Variants in ZNF578 observed in about 807,000 individuals in gnomAD.
ZNF578 encodes Putative chemokine-related protein B42.
ZNF578 carries 8 observed loss-of-function variants against 8.3 expected under a neutral mutation model. The ratio of observed to expected loss-of-function variants is 0.96; its 90% CI spans 0.56 to 1.74. The LOEUF is 1.74. ZNF578 is among the 40% of genes most tolerant of loss of function. ZNF578 has a pLI of 0.00. For missense variants in ZNF578, 726 were observed against 707.5 expected, an observed-to-expected ratio of 1.03 and a Z score of -0.30; for synonymous variants, 206 against 232.2, an observed-to-expected ratio of 0.89 and a Z score of 1.03.
intron 2 of ZNF578, among the ~76,000 whole-genome samples, chr19:52,485,799 A>G (rs923253619): frequency 6.6e-6 from 1 of 151,890 alleles, no homozygotes; most frequent in Non-Finnish European, 1.5e-5. Context: ...ACCACTCCCT[A>G]TTCTCAAGTA....
In ZNF578 at chr19:52,513,080, G is replaced by A. The variant is rs10426876; in HGVS notation, c.*926G>A. 0.016 allele frequency among the ~76,000 whole-genome samples: 2,367 copies of A among 152,232 alleles called. 60 individuals are homozygous for A. Among genetic ancestry groups the A allele is most frequent in the African/African-American group, 0.053 (2,190 of 41,540 alleles). ...TTGCTGCCCAGGCTAGAGTGCAATG[G>A]TGCGATCTTGACTCACAGCAACCTC... On this transcript the variant is annotated 3_prime_UTR_variant, in exon 6 of 6. Coordinates refer to ENST00000421239, the MANE Select transcript of ZNF578 (RefSeq NM_001099694.2).
chr19:52,496,324 T>TTTTATTTATTTATTTATTTA (rs1301134040), intron 3 of ZNF578, among the ~76,000 whole-genome samples: 2 of 123,332 alleles, frequency 1.6e-5, no homozygotes, highest in Non-Finnish European at 3.7e-5. Flanking sequence ...CCTCATTTGT[T>TTTTATTTATTTATTTATTTA]GTTATTTATT....
At chr19:52,501,948 C>T (rs776700903) in intron 4 of ZNF578, 40 bp downstream of exon 4, 1 of 1,603,692 alleles carries the variant, frequency 6.2e-7, no homozygotes, top group South Asian at 1.1e-5. Flanking sequence ...TGTCTCTTTC[C>T]TTTCTGAAGT....
chr19:52,500,304 G>A (rs1222229080), intron 3 of ZNF578, among the ~76,000 whole-genome samples: 1 of 152,124 alleles, frequency 6.6e-6, no homozygotes, highest in East Asian at 1.9e-4. Flanking sequence ...TTTGGTCTGG[G>A]AAGGTGGGAG....
Position 52,505,037 on chromosome 19 carries a change from G to A in ZNF578, c.190+256G>A, listed in dbSNP as rs572519199. On this transcript the variant is annotated intron_variant, in intron 5 of 5. Transcript: ENST00000421239. ...CGAGGGGCTGGGATTATAGGCATGC[G>A]CCACCACGCCCAGCTAACTTTGTAT... is the stretch of plus-strand genomic sequence containing the variant. Among the ~76,000 whole-genome samples the A allele has an allele frequency of 4.5e-4, 68 of 152,200 alleles. No individual in the cohort carries two copies. In the South Asian group the frequency reaches 0.011, roughly 25 times the overall value.
chr19:52,511,147 G>GAA lies in ZNF578; in HGVS notation c.770_771dup (p.Gln258AsnfsTer46). The GAA allele has an allele frequency of 1.2e-6, 2 of 1,614,152 alleles. No homozygotes were observed. The highest frequency in any genetic ancestry group is 1.7e-6 in the Non-Finnish European group (2 of 1,179,990). ...GAAACATCAGATAATCCATTTAGGAGAAAAACAATATAAATTTGATATATG... is the reference window on the plus strand; with the variant it reads ...GAAACATCAGATAATCCATTTAGGAGAAAAAAACAATATAAATTTGATATATG... On this transcript the variant is annotated frameshift_variant, in exon 6 of 6. Transcript: ENST00000421239. LOFTEE classifies it low-confidence loss of function (END_TRUNC).
intron 2 of ZNF578, among the ~76,000 whole-genome samples, chr19:52,483,722 A>T (rs1015027674): frequency 1.3e-5 from 2 of 152,212 alleles, no homozygotes; most frequent in African/African-American, 2.4e-5. Flanking sequence ...AGGGCAATGC[A>T]TATATATAAA....
In ZNF578 at chr19:52,510,590, T is replaced by A; in HGVS notation, c.209T>A (p.Met70Lys). 6.5e-7 allele frequency: 1 copy of A among 1,544,420 alleles called. No homozygotes were observed. The highest frequency in any genetic ancestry group is 8.7e-7 in the Non-Finnish European group (1 of 1,149,042). Residue 70 changes from methionine (M) to lysine (K), a missense_variant, in exon 6 of 6, where the codon ATG (methionine) becomes AAG (lysine). Coordinates refer to ENST00000421239, the MANE Select transcript of ZNF578 (RefSeq NM_001099694.2). ...LEAVDISSKR[M>K]MKEVLSTGQG... ...TTTGTAGATATCTCTTCCAAACGCA[T>A]GATGAAGGAGGTCTTGTCAACAGGG...
intron 2 of ZNF578, among the ~76,000 whole-genome samples, chr19:52,470,305 A>C (rs1366468394): frequency 6.6e-6 from 1 of 152,172 alleles, no homozygotes; most frequent in Non-Finnish European, 1.5e-5. Context: ...CTCAAGTCCC[A>C]GTGGCTGCTA....
At chr19:52,507,885 A>G (rs1319369566) in intron 5 of ZNF578, among the ~76,000 whole-genome samples, 3 of 151,916 alleles carry the variant, frequency 2.0e-5, no homozygotes, top group Non-Finnish European at 2.9e-5. Context: ...CCACATCTCT[A>G]CTAAAACTAC....
intron 3 of ZNF578, among the ~76,000 whole-genome samples, chr19:52,499,444 C>G (rs2059398695): frequency 6.6e-6 from 1 of 152,162 alleles, no homozygotes; most frequent in African/African-American, 2.4e-5. Flanking sequence ...CCTGGGACAT[C>G]AAACAGGCAT....
chr19:52,492,190 AG>A (rs2059367781), intron 3 of ZNF578, among the ~76,000 whole-genome samples: 5 of 134,970 alleles, frequency 3.7e-5, no homozygotes, highest in African/African-American at 5.6e-5. Context: ...AAAAAAAAAA[AG>A]GGAGGGAGAG....
intron 2 of ZNF578, among the ~76,000 whole-genome samples, chr19:52,489,578 T>A (rs977055791): frequency 4.6e-5 from 7 of 152,042 alleles, no homozygotes; most frequent in Non-Finnish European, 7.4e-5. Flanking sequence ...ACAAGAGGGA[T>A]ACTCCGTCTC....
intron 4 of ZNF578, among the ~76,000 whole-genome samples, chr19:52,504,339 C>T (rs1380634629): frequency 6.6e-6 from 1 of 152,262 alleles, no homozygotes; most frequent in South Asian, 2.1e-4. Flanking sequence ...AATCTGCCCA[C>T]CTTGGCCTCC....
chr19:52,473,110 A>G (rs942279953), intron 2 of ZNF578, among the ~76,000 whole-genome samples: 1 of 152,308 alleles, frequency 6.6e-6, no homozygotes, highest in Middle Eastern at 3.4e-3. Context: ...TTTGATGTCT[A>G]GTGATGTGGC....
rs1451076162 is a variant in ZNF578, at chr19:52,513,135, C to T, written c.*981C>T. 6.6e-6 allele frequency among the ~76,000 whole-genome samples: 1 copy of T among 152,122 alleles called. No homozygotes were observed. The highest frequency in any genetic ancestry group is 1.5e-5 in the Non-Finnish European group (1 of 68,034). The stretch of plus-strand genomic sequence containing the variant: ...TCCTGGGTTCAAGCGATTCCTCTGC[C>T]TCAGCCTCCCTAGTTGCTGGGATTA... On this transcript the variant is annotated 3_prime_UTR_variant, in exon 6 of 6. Transcript: ENST00000421239.
At chr19:52,471,876 A>G (rs942000029) in intron 2 of ZNF578, among the ~76,000 whole-genome samples, 3 of 152,208 alleles carry the variant, frequency 2.0e-5, no homozygotes, top group African/African-American at 4.8e-5. Context: ...AAAGAAAACA[A>G]TACTCATTTT....
chr19:52,496,324 T>TATTTA (rs1301134040), intron 3 of ZNF578, among the ~76,000 whole-genome samples: 2 of 123,332 alleles, frequency 1.6e-5, no homozygotes, highest in Non-Finnish European at 3.7e-5. Flanking sequence ...CCTCATTTGT[T>TATTTA]GTTATTTATT....
intron 2 of ZNF578, among the ~76,000 whole-genome samples, chr19:52,481,513 T>C (rs2059326350): frequency 6.6e-6 from 1 of 152,212 alleles, no homozygotes; most frequent in Non-Finnish European, 1.5e-5. Context: ...TTTCAAATTA[T>C]ACATATGAGA....
Sources: allele counts gnomAD v4.1 joint callset (sites outside exome capture counted in the v4.1 genomes callset), GRCh38; gene constraint gnomAD v4.1.1; transcripts MANE v1.5; gene names NCBI Gene and HGNC (gene_info 2026-07-23, HGNC 2026-07-21).